MEF2A: variants seen among roughly 807,000 people sequenced by gnomAD.
MEF2A encodes the protein myocyte enhancer factor 2A.
Under a neutral mutation model 55.8 loss-of-function variants are expected in MEF2A, and 28 were observed. That is an observed-to-expected ratio of 0.50 (90% CI 0.37 to 0.69). The LOEUF (loss-of-function observed/expected upper bound fraction) is 0.69. Among genes scored for constraint, MEF2A ranks in the 30% least tolerant of loss-of-function variants. The pLI, the probability that MEF2A is intolerant of heterozygous loss-of-function variation, is 0.00. For missense variants in MEF2A, 528 were observed against 626.2 expected, an observed-to-expected ratio of 0.84 and a Z score of 1.67; for synonymous variants, 239 against 227.1, an observed-to-expected ratio of 1.05 and a Z score of -0.47.
At chr15:99,629,300 TAGCAA>T in intron 2 of MEF2A, among the ~76,000 whole-genome samples, 1 of 152,294 alleles carries the variant, frequency 6.6e-6, no homozygotes, top group African/African-American at 2.4e-5. Flanking sequence ...AAAGGATTCT[TAGCAA>T]AGCAATTTAC....
At chr15:99,666,046 A>G (rs1048222510) in intron 4 of MEF2A, among the ~76,000 whole-genome samples, 1 of 152,170 alleles carries the variant, frequency 6.6e-6, no homozygotes, top group African/African-American at 2.4e-5. Context: ...TCAAGGATCT[A>G]GAACTAGAAA....
intron 2 of MEF2A, 64 bp downstream of exon 2, chr15:99,598,575 T>C (rs1478707569): frequency 2.0e-5 from 3 of 152,190 alleles, no homozygotes; most frequent in Non-Finnish European, 2.9e-5. Context: ...AAAATCAGGC[T>C]GTTCTTGTGA....
chr15:99,660,235 CT>C (rs1406323391), intron 4 of MEF2A, among the ~76,000 whole-genome samples: 2 of 152,156 alleles, frequency 1.3e-5, no homozygotes, highest in Non-Finnish European at 1.5e-5. Flanking sequence ...GAGTTTCGCT[CT>C]TGTTGCCCAG....
chr15:99,596,641 A>T (rs1971271251), intron 1 of MEF2A, among the ~76,000 whole-genome samples: 1 of 152,154 alleles, frequency 6.6e-6, no homozygotes, highest in African/African-American at 2.4e-5. Flanking sequence ...TTACTTGGGG[A>T]TTGGTTGAAT....
intron 1 of MEF2A, among the ~76,000 whole-genome samples, chr15:99,593,099 A>G (rs1224482480): frequency 3.3e-5 from 5 of 152,134 alleles, no homozygotes. Flanking sequence ...GGTTCATAAT[A>G]TGTTTCTTTT....
At chr15:99,665,666 A>C (rs2049481903) in intron 4 of MEF2A, among the ~76,000 whole-genome samples, 3 of 150,952 alleles carry the variant, frequency 2.0e-5, no homozygotes, top group Admixed American at 2.0e-4. Flanking sequence ...AATGGGAGAA[A>C]ATTTTTGCGA....
chr15:99,594,459 CTT>C (rs67846200), intron 1 of MEF2A, among the ~76,000 whole-genome samples: 30,745 of 122,590 alleles, frequency 0.25, 2,668 homozygotes, highest in East Asian at 0.37. Flanking sequence ...TCCTTTCTTT[CTT>C]TTTTTTTTTT....
At chr15:99,677,520 A>G (rs970448828) in intron 7 of MEF2A, among the ~76,000 whole-genome samples, 6 of 152,174 alleles carry the variant, frequency 3.9e-5, no homozygotes, top group African/African-American at 1.4e-4. Context: ...GAAGAAAATT[A>G]TCCAGAATTT....
chr15:99,663,275 G>T (rs34769283), intron 4 of MEF2A, among the ~76,000 whole-genome samples: 6,839 of 152,062 alleles, frequency 0.045, 171 homozygotes, highest in African/African-American at 0.059. Context: ...AACATATTTA[G>T]AAAGATAATC....
intron 4 of MEF2A, among the ~76,000 whole-genome samples, chr15:99,668,243 T>A (rs1316903460): frequency 1.3e-5 from 2 of 152,218 alleles, no homozygotes; most frequent in African/African-American, 4.8e-5. Flanking sequence ...ATATTGCCAA[T>A]TGGGACCTTT....
chr15:99,584,775 G>A (rs1596291088), intron 1 of MEF2A, among the ~76,000 whole-genome samples: 1 of 152,180 alleles, frequency 6.6e-6, no homozygotes, highest in East Asian at 1.9e-4. Flanking sequence ...TTAGATAGTG[G>A]TGAGGGTTGC....
At chr15:99,654,669 CT>C (rs1291178058) in intron 4 of MEF2A, among the ~76,000 whole-genome samples, 1 of 152,138 alleles carries the variant, frequency 6.6e-6, no homozygotes, top group Non-Finnish European at 1.5e-5. Context: ...AGGTCTCTGC[CT>C]TTGCCCATGC....
At chr15:99,641,564 A>C (rs2044948075) in intron 3 of MEF2A, among the ~76,000 whole-genome samples, 2 of 152,282 alleles carry the variant, frequency 1.3e-5, no homozygotes, top group Non-Finnish European at 2.9e-5. Flanking sequence ...CTACTAAAAA[A>C]TACAAAAAAT....
chr15:99,601,839 G>A (rs979061453), intron 2 of MEF2A, among the ~76,000 whole-genome samples: 2 of 129,710 alleles, frequency 1.5e-5, no homozygotes, highest in African/African-American at 5.2e-5. Flanking sequence ...GTGTGTGTGT[G>A]TGTGTGTGTG....
Position 99,712,651 on chromosome 15 carries a change from T to C in MEF2A, c.1398T>C (p.Ser466=). 1 of 1,554,370 alleles carries C rather than the reference T, an allele frequency of 6.4e-7. No homozygotes were observed. Among genetic ancestry groups the C allele is most frequent in the Non-Finnish European group, 8.7e-7 (1 of 1,148,638 alleles). Residue 466 remains serine, a synonymous_variant, in exon 12 of 12, where the codon AGT becomes AGC. Transcript: ENST00000557942. This position sits in a 1 kb window ranked among gnomAD's most constrained non-coding sequence, Gnocchi z 4.1. ...GCTCTAGTAGCTCCTATGATGGCAGTGATCGGGAGGATCCACGGGGCGACT... is the reference window on the plus strand; with the variant it reads ...GCTCTAGTAGCTCCTATGATGGCAGCGATCGGGAGGATCCACGGGGCGACT... ...LSSSSSSYDG[S]DREDPRGDFH... is the part of the protein sequence containing the mutation.
At chr15:99,704,680 T>C (rs1285359260) in intron 9 of MEF2A, among the ~76,000 whole-genome samples, 1 of 152,242 alleles carries the variant, frequency 6.6e-6, no homozygotes, top group African/African-American at 2.4e-5. Context: ...GGAGATTGCA[T>C]GAAGATGATG....
intron 4 of MEF2A, among the ~76,000 whole-genome samples, chr15:99,650,399 C>T (rs1259084063): frequency 6.6e-6 from 1 of 152,168 alleles, no homozygotes; most frequent in East Asian, 1.9e-4. Context: ...AAGTTTTCCT[C>T]AGTAATGAAC....
At chr15:99,594,389 G>A (rs1283750877) in intron 1 of MEF2A, among the ~76,000 whole-genome samples, 1 of 152,000 alleles carries the variant, frequency 6.6e-6, no homozygotes, top group Non-Finnish European at 1.5e-5. Context: ...CCTCTATCTG[G>A]TTGTGCTACC....
rs1189579186 is a variant in MEF2A at position 99,716,384 on chromosome 15, A to G, written c.*3613A>G. On this transcript the variant is annotated 3_prime_UTR_variant, in exon 12 of 12. Coordinates refer to ENST00000557942, the MANE Select transcript of MEF2A (RefSeq NM_001319206.4). ...TGTTTTTCTTCATTATACAATAAAT[A>G]TAATAGTGAACTTTTTATCAAATGG... The G allele has an allele frequency of 5.1e-6, 2 of 394,938 alleles. No homozygotes were observed. The highest frequency in any genetic ancestry group is 1.0e-5 in the Non-Finnish European group (2 of 193,796). The allele number at this position is 394,938 out of a possible 1,614,324, so 24.5% of individuals were successfully genotyped here.
Sources: allele counts gnomAD v4.1 joint callset (sites outside exome capture counted in the v4.1 genomes callset), GRCh38; gene constraint gnomAD v4.1.1; non-coding constraint Gnocchi (gnomAD v3.1); transcripts MANE v1.5; gene names NCBI Gene and HGNC (gene_info 2026-07-23, HGNC 2026-07-21).